The following NUP107 variants were observed in gnomAD, a reference collection of about 807,000 sequenced individuals.
The protein encoded by NUP107 is nuclear pore complex protein Nup107.
In NUP107, 101 loss-of-function variants were observed where a neutral mutation model predicts 141.0. The observed-to-expected ratio is 0.72, with a 90% CI of 0.61 to 0.84. The LOEUF is 0.84. Ranked by LOEUF, NUP107 falls within the 40% of genes least tolerant of loss-of-function variation. NUP107 has a pLI of 0.00. For missense variants in NUP107, 941 were observed against 1,102.7 expected, an observed-to-expected ratio of 0.85 and a Z score of 2.08; for synonymous variants, 319 against 363.9, an observed-to-expected ratio of 0.88 and a Z score of 1.41.
chr12:68,696,891 T>C lies in NUP107; in HGVS notation c.521T>C (p.Val174Ala). 1.2e-6 allele frequency: 2 copies of C among 1,609,832 alleles called. No individual in the cohort carries two copies. Among genetic ancestry groups the C allele is most frequent in the Non-Finnish European group, 1.7e-6 (2 of 1,177,704 alleles). ...KHSSSTVFDL[V>A]EEYENICGSQ... ...TCTTCGAGTACAGTTTTTGATCTTG[T>C]GGAAGAGTATGAAAACATCTGTGGT... The change falls in exon 6 of 28, where the codon GTG becomes GCG. Residue 174 changes from valine (V) to alanine (A), a missense_variant. Physicochemically the swap from Val to Ala is moderately conservative, Grantham distance 64. Transcript: ENST00000229179.
chr12:68,698,694 T>C (rs1349593537), intron 6 of NUP107, among the ~76,000 whole-genome samples: 1 of 152,200 alleles, frequency 6.6e-6, no homozygotes, highest in East Asian at 1.9e-4. Flanking sequence ...TTGAAAAGGC[T>C]ACATATTATA....
In NUP107 at chr12:68,710,076, T is replaced by C. The variant is rs767954561; in HGVS notation, c.873T>C (p.Tyr291=). The C allele has an allele frequency of 3.2e-6, 5 of 1,562,694 alleles. No individual in the cohort carries two copies. Among genetic ancestry groups the C allele is most frequent in the Middle Eastern group, 1.9e-4 (1 of 5,376 alleles). ...AATTTTCTGATAATATTGAGTTTTA[T>C]GCAAAATCAGTATATTGGTAAGTTA... ...IGEFSDNIEF[Y]AKSVYWENTL... The change falls in exon 10 of 28, where the codon TAT becomes TAC. Residue 291 remains tyrosine (Y), a synonymous_variant. Transcript: ENST00000229179.
At chr12:68,736,732 T>TTC (rs1878086344) in intron 26 of NUP107, among the ~76,000 whole-genome samples, 2 of 150,508 alleles carry the variant, frequency 1.3e-5, no homozygotes, top group Non-Finnish European at 3.0e-5. Flanking sequence ...TTTTTTTTTT[T>TTC]TTTTTTTGAG....
At position 68,731,141 on chromosome 12, in the gene NUP107, T is replaced by C. The variant is rs752781760; in HGVS notation, c.1766T>C (p.Ile589Thr). 6.2e-6 allele frequency: 10 copies of C among 1,601,474 alleles called. No individual in the cohort carries two copies. The highest frequency in any genetic ancestry group is 2.7e-5 in the African/African-American group (2 of 74,510). ...LLIREKHTNL[I>T]AFYTCHLPQD... ...ATAAGAGAGAAACATACAAATCTTA[T>C]AGCATTTTATACCTGTCATTTGCCT... Residue 589 changes from isoleucine (I) to threonine (T), a missense_variant, in exon 21 of 28, where the codon ATA (isoleucine) becomes ACA (threonine). Coordinates refer to ENST00000229179, the MANE Select transcript of NUP107 (RefSeq NM_020401.4).
intron 26 of NUP107, among the ~76,000 whole-genome samples, chr12:68,738,016 G>C (rs550391922): frequency 2.6e-5 from 4 of 152,060 alleles, no homozygotes; most frequent in African/African-American, 7.2e-5. Context: ...GGTGGCTCAC[G>C]CCTGAATCCC....
rs1293675619 is a variant in NUP107, at chr12:68,726,609, C to T, written c.1687C>T (p.Gln563Ter). Residue 563 changes from glutamine (Q) to a stop codon, truncating the protein, a stop_gained, in exon 19 of 28, where the codon CAG becomes TAG. Transcript: ENST00000229179. LOFTEE classifies it high-confidence loss of function. The part of the protein sequence containing the change: ...LILFFRTLGL[Q>*]TKEEVSIEVL... ...TTTGTTTTTCCGTACTCTGGGACTA[C>T]AGACCAAGGTATATAAAAATGAACG... 5.0e-6 allele frequency: 8 copies of T among 1,591,898 alleles called. No homozygotes were observed. Among genetic ancestry groups the T allele is most frequent in the Non-Finnish European group, 6.9e-6 (8 of 1,160,082 alleles).
intron 8 of NUP107, chr12:68,705,776 G>T (rs868181583): frequency 2.7e-6 from 2 of 744,166 alleles, no homozygotes; most frequent in East Asian, 5.0e-5. Context: ...AGTTTCCGGG[G>T]TAGCCTGGGT....
Position 68,720,255 on chromosome 12 carries a change from T to C in NUP107, c.1251+601T>C, listed in dbSNP as rs531128161. ...AAATGGTAGCACAGTTTTACATCTG[T>C]CAAACAGTTCAAAAAATACATAAAT... is the stretch of plus-strand genomic sequence containing the variant. On this transcript the variant is annotated intron_variant, in intron 14 of 27. Coordinates refer to ENST00000229179, the MANE Select transcript of NUP107 (RefSeq NM_020401.4). Among the ~76,000 whole-genome samples, 14 of 152,210 alleles carry C rather than the reference T, an allele frequency of 9.2e-5. No homozygotes were observed. In the South Asian group the frequency reaches 2.7e-3, roughly 29 times the overall value.
intron 4 of NUP107, 152 bp downstream of exon 4, chr12:68,690,898 G>A: frequency 1.5e-6 from 1 of 678,832 alleles, no homozygotes; most frequent in South Asian, 2.1e-5. Flanking sequence ...TGCTTAGCAT[G>A]ATAAAACCCT....
At position 68,744,338 on chromosome 12, in the gene NUP107, T is replaced by A. The variant is rs1375274075; in HGVS notation, c.*1876T>A. 6.6e-6 allele frequency: 1 copy of A among 152,194 alleles called. No individual in the cohort carries two copies. The highest frequency in any genetic ancestry group is 1.9e-4 in the East Asian group (1 of 5,200). 9.4% of individuals were successfully genotyped at this position (152,194 alleles called of 1,614,324 possible). ...GTGGAATTACAAAATTCCTTCAACC[T>A]TAGACTCTTAATTAGGATGCCCTCA... is the stretch of plus-strand genomic sequence containing the variant. On this transcript the variant is annotated 3_prime_UTR_variant, in exon 28 of 28. Transcript: ENST00000229179.
At position 68,734,734 on chromosome 12, in the gene NUP107, G is replaced by A; in HGVS notation, c.2289G>A (p.Trp763Ter). The change falls in exon 25 of 28, where the codon TGG (tryptophan) becomes TGA (stop). Residue 763 changes from tryptophan to a stop codon, truncating the protein, a stop_gained. Transcript: ENST00000229179. LOFTEE classifies it high-confidence loss of function. ...AAGCCCATGAAACCTTTAATGAGTGGTTTAAGCATATGAATTCAGTTCCAC... is the reference window on the plus strand; with the variant it reads ...AAGCCCATGAAACCTTTAATGAGTGATTTAAGCATATGAATTCAGTTCCAC... The part of the protein sequence containing the change: ...YLEAHETFNE[W>*]FKHMNSVPQK... The A allele has an allele frequency of 1.2e-6, 2 of 1,612,570 alleles. No homozygotes were observed. Among genetic ancestry groups the A allele is most frequent in the Non-Finnish European group, 1.7e-6 (2 of 1,179,322 alleles).
At chr12:68,713,985 G>A (rs185725139) in intron 11 of NUP107, 177 bp downstream of exon 11, 5 of 552,336 alleles carry the variant, frequency 9.1e-6, no homozygotes, top group African/African-American at 3.9e-5. Context: ...AAACATATCC[G>A]TGACCTTTGA....
chr12:68,710,222 G>A, intron 10 of NUP107, 129 bp downstream of exon 10: 1 of 541,716 alleles, frequency 1.8e-6, no homozygotes, highest in Non-Finnish European at 3.3e-6. Context: ...TGGTGTGTGA[G>A]CAAAACAAAT....
intron 12 of NUP107, among the ~76,000 whole-genome samples, chr12:68,716,234 T>C (rs1228608677): frequency 1.5e-5 from 2 of 130,406 alleles, no homozygotes; most frequent in African/African-American, 2.8e-5. Context: ...TCTTTCTTTC[T>C]TTCTTTCTTT....
intron 24 of NUP107, 28 bp from the exon 25 acceptor site, chr12:68,734,680 A>T: frequency 6.8e-7 from 1 of 1,477,076 alleles, no homozygotes; most frequent in Non-Finnish European, 9.1e-7. Context: ...GTTATTTTAT[A>T]TTTTGGTTTT....
At chr12:68,738,450 C>CA (rs60283225) in intron 26 of NUP107, among the ~76,000 whole-genome samples, 28,118 of 89,332 alleles carry the variant, frequency 0.31, 3,333 homozygotes, top group Middle Eastern at 0.4. Flanking sequence ...GACTCCGTCT[C>CA]AAAAAAAAAA....
At chr12:68,727,810 G>A (rs980438545) in intron 20 of NUP107, among the ~76,000 whole-genome samples, 24 of 152,000 alleles carry the variant, frequency 1.6e-4, no homozygotes, top group Admixed American at 1.5e-3. Flanking sequence ...CTGCATATAC[G>A]AAAAATTGGC....
rs952586301 is a variant in NUP107, at chr12:68,712,344, G to A, written c.891-1386G>A. On this transcript the variant is annotated intron_variant, in intron 10 of 27. Transcript: ENST00000229179. ...CTAAAAATACAAAAATTAGCCAGTC[G>A]TGGTGGCGGGCACCAGTGAGCCAAG... 1.3e-4 allele frequency among the ~76,000 whole-genome samples: 19 copies of A among 149,308 alleles called. No individual in the cohort carries two copies. In the South Asian group the frequency reaches 1.7e-3, roughly 13 times the overall value.
chr12:68,692,590 C>CAA (rs66730715), intron 5 of NUP107, among the ~76,000 whole-genome samples: 3 of 140,822 alleles, frequency 2.1e-5, no homozygotes, highest in African/African-American at 5.3e-5. Context: ...AAAAAAAAAA[C>CAA]AAAAAAAAAA....
Sources: allele counts gnomAD v4.1 joint callset (sites outside exome capture counted in the v4.1 genomes callset), GRCh38; gene constraint gnomAD v4.1.1; transcripts MANE v1.5; gene names NCBI Gene and HGNC (gene_info 2026-07-23, HGNC 2026-07-21).